Variants in RASSF4 observed in about 807,000 individuals in gnomAD.
RASSF4 encodes Ras association domain family member 4.
In RASSF4, 38 loss-of-function variants were observed where a neutral mutation model predicts 41.1. That is an observed-to-expected ratio of 0.92 (90% CI 0.71 to 1.21). RASSF4 has a LOEUF of 1.21. Among genes scored for constraint, RASSF4 ranks in the 50% most tolerant of loss-of-function variants. The pLI is 0.00. For synonymous variants in RASSF4, 179 were observed against 163.4 expected (o/e 1.10, Z -0.73); for missense variants, 414 against 419.4 (o/e 0.99, Z 0.11).
In RASSF4 at chr10:44,972,363, G is replaced by A. The variant is rs966765207; in HGVS notation, c.138+515G>A. 7.3e-4 allele frequency among the ~76,000 whole-genome samples: 111 copies of A among 152,356 alleles called. 1 individual carries two copies. The highest frequency in any genetic ancestry group is 4.0e-4 in the Non-Finnish European group (27 of 68,036). ...GCTCACAGCAGGCAGCGCAGGTGTG[G>A]GGAGTGGGTCTCCACTCAAGGAGTC... On this transcript the variant is annotated intron_variant, in intron 3 of 10. Transcript: ENST00000340258.
chr10:44,990,730 G>T, intron 8 of RASSF4: 3 of 416,994 alleles, frequency 7.2e-6, no homozygotes, highest in Non-Finnish European at 1.3e-5. Flanking sequence ...ATTGCCAGCC[G>T]CTCCACTTAA....
intron 6 of RASSF4, among the ~76,000 whole-genome samples, chr10:44,986,844 G>A (rs1841937155): frequency 6.6e-6 from 1 of 152,232 alleles, no homozygotes; most frequent in Non-Finnish European, 1.5e-5. Flanking sequence ...TTCCAAAACT[G>A]TTCTGATTCC....
Position 44,970,202 on chromosome 10 carries a change from G to T in RASSF4, c.-1G>T. 3 of 1,613,512 alleles carry T rather than the reference G, an allele frequency of 1.9e-6. No individual in the cohort carries two copies. The highest frequency in any genetic ancestry group is 2.5e-6 in the Non-Finnish European group (3 of 1,179,386). On this transcript the variant is annotated 5_prime_UTR_variant, in exon 2 of 11. Transcript: ENST00000340258. ...AGGTCTGCAGACAAGAGGAAGAGAAGATGAAGGAAGACTGTCTGCCGAGTT... is the reference window on the plus strand; with the variant it reads ...AGGTCTGCAGACAAGAGGAAGAGAATATGAAGGAAGACTGTCTGCCGAGTT...
Position 44,985,863 on chromosome 10 carries a change from T to G in RASSF4, c.531+893T>G, listed in dbSNP as rs139042500. On this transcript the variant is annotated intron_variant, in intron 6 of 10. Coordinates refer to ENST00000340258, the MANE Select transcript of RASSF4 (RefSeq NM_032023.4). ...CCCTGCTAGGCTTGTGGTGAGTGAA[T>G]GAATGACAATAGGGTTGCCTTTGCT... Among the ~76,000 whole-genome samples, 1,021 of 152,302 alleles carry G rather than the reference T, an allele frequency of 6.7e-3. 7 individuals are homozygous for G. Among genetic ancestry groups the G allele is most frequent in the Middle Eastern group, 0.01 (3 of 294 alleles).
chr10:44,992,742 G>A lies in RASSF4; in HGVS notation c.906-527G>A, dbSNP rs370060166. Among the ~76,000 whole-genome samples, 251 of 152,288 alleles carry A rather than the reference G, an allele frequency of 1.6e-3. 8 individuals carry two copies. The South Asian group carries it at 0.05, about 30-fold the overall frequency. ...ATGTTAGCCTCTGGTTGAATGACCC[G>A]TGGAAAGCCACATCCTCCACAGGCT... is the stretch of plus-strand genomic sequence containing the variant. On this transcript the variant is annotated intron_variant, in intron 10 of 10. Coordinates refer to ENST00000340258, the MANE Select transcript of RASSF4 (RefSeq NM_032023.4).
At chr10:44,984,778 C>T in intron 5 of RASSF4, 35 bp from the exon 6 acceptor site, 4 of 1,608,436 alleles carry the variant, frequency 2.5e-6, no homozygotes, top group Non-Finnish European at 3.4e-6. Context: ...TCAGCATCAC[C>T]CACCCTGCCA....
chr10:44,991,740 A>G (rs1338482941), intron 9 of RASSF4, among the ~76,000 whole-genome samples, 165 bp from the exon 10 acceptor site: 4 of 152,214 alleles, frequency 2.6e-5, no homozygotes, highest in African/African-American at 9.6e-5. Flanking sequence ...CCGTCCTGGC[A>G]TCTGTACACA....
In RASSF4 at chr10:44,982,264, G is replaced by A. The variant is rs925637530; in HGVS notation, c.139-257G>A. The A allele has an allele frequency of 9.0e-5, 47 of 524,544 alleles. 1 individual carries two copies. Among genetic ancestry groups the A allele is most frequent in the Admixed American group, 5.2e-4 (13 of 25,074 alleles). 32.5% of individuals were successfully genotyped at this position (524,544 alleles called of 1,614,324 possible). ...TGCCGGCCAGCAGCTGGCTTCCTGT[G>A]GGACACCTGACTCAGCCACTGTGTT... On this transcript the variant is annotated intron_variant, in intron 3 of 10. Transcript: ENST00000340258.
chr10:44,974,994 G>C (rs1340350840), intron 3 of RASSF4, among the ~76,000 whole-genome samples: 1 of 152,230 alleles, frequency 6.6e-6, no homozygotes, highest in East Asian at 1.9e-4. Flanking sequence ...GGACCGCCCG[G>C]AAATGTCCTT....
At chr10:44,960,871 A>G (rs1046169655) in intron 1 of RASSF4, among the ~76,000 whole-genome samples, 5 of 151,204 alleles carry the variant, frequency 3.3e-5, no homozygotes, top group African/African-American at 4.9e-5. Flanking sequence ...CTAAGGTGTC[A>G]ATCAGGATTT....
intron 3 of RASSF4, chr10:44,978,035 C>T: frequency 6.2e-7 from 1 of 1,604,096 alleles, no homozygotes; most frequent in South Asian, 1.1e-5. Context: ...CCTCATCACT[C>T]TGGCGAGAGG....
intron 5 of RASSF4, chr10:44,984,435 C>T (rs1456862261): frequency 1.4e-5 from 7 of 485,522 alleles, no homozygotes; most frequent in South Asian, 9.1e-5. Flanking sequence ...CCTCCCTCTG[C>T]GACCTCGTCC....
rs764503016 is a variant in RASSF4, at chr10:44,984,803, T to A, written c.374-10T>A. The A allele has an allele frequency of 6.2e-7, 1 of 1,612,748 alleles. No individual in the cohort carries two copies. Among genetic ancestry groups the A allele is most frequent in the South Asian group, 1.1e-5 (1 of 91,016 alleles). ...CCACCCTGCCATTCTCTCACCCATT[T>A]CTCATGCAGGGCCCCTGGAGGAGGC... On this transcript the variant is annotated splice_polypyrimidine_tract_variant and intron_variant, in intron 5 of 10. Coordinates refer to ENST00000340258, the MANE Select transcript of RASSF4 (RefSeq NM_032023.4).
chr10:44,988,313 T>G (rs1841990506), intron 6 of RASSF4, among the ~76,000 whole-genome samples: 1 of 152,208 alleles, frequency 6.6e-6, no homozygotes, highest in Non-Finnish European at 1.5e-5. Context: ...AAATCAATGA[T>G]TGTATGTAAA....
intron 10 of RASSF4, 30 bp downstream of exon 10, chr10:44,992,032 G>A (rs1842133089): frequency 1.4e-6 from 2 of 1,432,988 alleles, no homozygotes; most frequent in African/African-American, 1.4e-5. Flanking sequence ...ACAGTCATGG[G>A]TCCTGAACAT....
intron 1 of RASSF4, among the ~76,000 whole-genome samples, chr10:44,964,841 G>C (rs547414587): frequency 6.7e-6 from 1 of 148,968 alleles, no homozygotes; most frequent in East Asian, 2.0e-4. Context: ...TACTCATGCA[G>C]TTTCCTGTAG....
rs1335950899 is a variant in RASSF4, at chr10:44,993,833, C to G, written c.*504C>G. ...TCAGCCATCACCTTGCCACAGTGTC[C>G]CCGGCTTCTAAGCCTCCAATATCAC... On this transcript the variant is annotated 3_prime_UTR_variant, in exon 11 of 11. Transcript: ENST00000340258. 1 of 157,186 alleles carries G rather than the reference C, an allele frequency of 6.4e-6. No individual in the cohort carries two copies. The highest frequency in any genetic ancestry group is 2.4e-5 in the African/African-American group (1 of 41,718). The allele number at this position is 157,186 out of a possible 1,614,324, so 9.7% of individuals were successfully genotyped here.
Position 44,995,274 on chromosome 10 carries a change from A to C in RASSF4, c.*1945A>C, listed in dbSNP as rs965166019. On this transcript the variant is annotated 3_prime_UTR_variant, in exon 11 of 11. Transcript: ENST00000340258. ...TAGGGGTCTTCTCATCAGGAGAAGA[A>C]GGCCAGACACTGGAAGGGTCAAGAG... is the stretch of plus-strand genomic sequence containing the variant. 2 of 152,270 alleles carry C rather than the reference A, an allele frequency of 1.3e-5. No homozygotes were observed. The highest frequency in any genetic ancestry group is 4.8e-5 in the African/African-American group (2 of 41,462). The allele number at this position is 152,270 out of a possible 1,614,324, so 9.4% of individuals were successfully genotyped here. A position where few individuals can be genotyped will look rare whatever the true frequency, so the allele number is the denominator to read the frequency against.
In RASSF4 at chr10:44,970,242, A is replaced by G; in HGVS notation, c.40A>G (p.Ser14Gly). The G allele has an allele frequency of 1.9e-6, 3 of 1,614,072 alleles. No homozygotes were observed. Among genetic ancestry groups the G allele is most frequent in the Non-Finnish European group, 2.5e-6 (3 of 1,179,886 alleles). The change falls in exon 2 of 11, where the codon AGT becomes GGT. Residue 14 changes from serine to glycine, a missense_variant. Coordinates refer to ENST00000340258, the MANE Select transcript of RASSF4 (RefSeq NM_032023.4). Reference sequence around the variant, plus strand: ...TCTGCCGAGTTCTCACGTGCCCATCAGTGACAGCAAGTCCATTCAGAAGTA... The same window carrying G: ...TCTGCCGAGTTCTCACGTGCCCATCGGTGACAGCAAGTCCATTCAGAAGTA... ...DCLPSSHVPISDSKSIQKSEL... is the reference protein window; with the variant it reads ...DCLPSSHVPIGDSKSIQKSEL...
Sources: gnomAD v4.1 joint callset for allele counts (sites outside exome capture counted in the v4.1 genomes callset) on GRCh38, gnomAD v4.1.1 for gene constraint, MANE v1.5 for transcripts, NCBI Gene and HGNC (gene_info 2026-07-23, HGNC 2026-07-21) for gene names.